The following RARRES1 variants were observed in gnomAD, a reference collection of about 807,000 sequenced individuals.
The protein encoded by RARRES1 is retinoic acid receptor responder 1.
Under a neutral mutation model 30.6 loss-of-function variants are expected in RARRES1, and 34 were observed. The observed-to-expected ratio is 1.11, with a 90% CI of 0.84 to 1.48. The LOEUF (loss-of-function observed/expected upper bound fraction) is 1.48, where lower values mean the gene tolerates loss of function less well. RARRES1 is among the 40% of genes most tolerant of loss of function. The pLI is 0.00. For missense variants in RARRES1, 373 were observed against 386.5 expected (o/e 0.97, Z 0.29); for synonymous variants, 153 against 155.5 (o/e 0.98, Z 0.12).
Position 158,710,131 on chromosome 3 carries a change from A to G in RARRES1, c.535+607T>C, listed in dbSNP as rs193282743. On this transcript the variant is annotated intron_variant, in intron 3 of 5. Transcript: ENST00000237696. ...AACAGCACCCCTATATGCATATCCT[A>G]TTTCAAAATCCTGTACCTCTTACCT... is the stretch of plus-strand genomic sequence containing the variant. 3.2e-3 allele frequency among the ~76,000 whole-genome samples: 486 copies of G among 151,404 alleles called. 3 individuals are homozygous for G. Among genetic ancestry groups the G allele is most frequent in the African/African-American group, 0.011 (464 of 41,182 alleles).
chr3:158,720,256 GTGTGTGTGTA>G (rs1212706388), intron 1 of RARRES1, among the ~76,000 whole-genome samples: 2 of 143,408 alleles, frequency 1.4e-5, no homozygotes, highest in Admixed American at 7.2e-5. Context: ...GTGTGTGTGT[GTGTGTGTGTA>G]TGTGTGTGAG....
chr3:158,731,186 G>A (rs1220500216), intron 1 of RARRES1, among the ~76,000 whole-genome samples: 1 of 152,206 alleles, frequency 6.6e-6, no homozygotes, highest in Non-Finnish European at 1.5e-5. Flanking sequence ...CTTCTTGAAG[G>A]ACTTTCCAAT....
chr3:158,703,628 T>C (rs1281719254), intron 4 of RARRES1, among the ~76,000 whole-genome samples: 2 of 152,176 alleles, frequency 1.3e-5, no homozygotes, highest in Non-Finnish European at 2.9e-5. Context: ...AGCTCTCCCT[T>C]CATTGACTTC....
At chr3:158,726,547 C>T (rs541174880) in intron 1 of RARRES1, among the ~76,000 whole-genome samples, 1 of 152,354 alleles carries the variant, frequency 6.6e-6, no homozygotes, top group African/African-American at 2.4e-5. Context: ...TACCTCATTA[C>T]ATAAGTAAAT....
chr3:158,707,231 GT>G (rs1726952703), intron 3 of RARRES1, among the ~76,000 whole-genome samples: 1 of 152,134 alleles, frequency 6.6e-6, no homozygotes, highest in Non-Finnish European at 1.5e-5. Context: ...TCTGGTTAGG[GT>G]TTTTGGTGAT....
At chr3:158,727,287 A>T (rs528692490) in intron 1 of RARRES1, among the ~76,000 whole-genome samples, 1 of 152,376 alleles carries the variant, frequency 6.6e-6, no homozygotes, top group African/African-American at 2.4e-5. Flanking sequence ...TATTTTAAAT[A>T]GAAGCAATTA....
At chr3:158,732,047 G>A (rs1048365064) in intron 1 of RARRES1, 93 bp downstream of exon 1, 2 of 1,187,976 alleles carry the variant, frequency 1.7e-6, no homozygotes, top group Admixed American at 8.5e-5. Flanking sequence ...CGGACCATCC[G>A]TTGGGCCGGC....
At position 158,732,301 on chromosome 3, in the gene RARRES1, C is replaced by G; in HGVS notation, c.115G>C (p.Gly39Arg). The change falls in exon 1 of 6, where the codon GGG becomes CGG. Residue 39 changes from glycine to arginine, a missense_variant. Gly to Arg is a moderately radical substitution (Grantham distance 125). Coordinates refer to ENST00000237696, the MANE Select transcript of RARRES1 (RefSeq NM_206963.2). ...LLLAPVAAPAGSGDPDDPGQP... is the reference protein window; with the variant it reads ...LLLAPVAAPARSGDPDDPGQP... ...CCAGGGTCGTCGGGGTCCCCGGACC[C>G]CGCGGGCGCCGCCACCGGGGCGAGC... The G allele has an allele frequency of 3.7e-6, 5 of 1,344,648 alleles. No individual in the cohort carries two copies. The highest frequency in any genetic ancestry group is 1.5e-5 in the African/African-American group (1 of 64,854). The allele number at this position is 1,344,648 out of a possible 1,614,324, so 83.3% of individuals were successfully genotyped here. A position where few individuals can be genotyped will look rare whatever the true frequency, so the allele number is the denominator to read the frequency against.
At position 158,723,740 on chromosome 3, in the gene RARRES1, C is replaced by T. The variant is rs956473833; in HGVS notation, c.276+8400G>A. Among the ~76,000 whole-genome samples the T allele has an allele frequency of 4.6e-5, 7 of 152,096 alleles. No individual in the cohort carries two copies. The highest frequency in any genetic ancestry group is 1.7e-4 in the African/African-American group (7 of 41,410). On this transcript the variant is annotated intron_variant, in intron 1 of 5. Transcript: ENST00000237696. The surrounding 1 kb of genome is among the most constrained non-coding windows in gnomAD (Gnocchi z 4.4). ...CTGCCCCCTCCAGGTCCCCTCTGGC[C>T]TCAGGTGGGGATAATCAGAAAAGGC...
chr3:158,720,273 TGAGAGAGA>T (rs968371151), intron 1 of RARRES1, among the ~76,000 whole-genome samples: 1 of 144,452 alleles, frequency 6.9e-6, no homozygotes, highest in Non-Finnish European at 1.5e-5. Flanking sequence ...TGTATGTGTG[TGAGAGAGA>T]GAGAGAGAGA....
intron 4 of RARRES1, among the ~76,000 whole-genome samples, chr3:158,703,745 A>G (rs1008413740): frequency 3.3e-5 from 5 of 152,100 alleles, no homozygotes; most frequent in Admixed American, 1.3e-4. Context: ...TTCTTTTCCC[A>G]TATCTCTAAC....
At chr3:158,706,327 A>AG (rs1185748104) in intron 3 of RARRES1, among the ~76,000 whole-genome samples, 1 of 152,078 alleles carries the variant, frequency 6.6e-6, no homozygotes, top group Non-Finnish European at 1.5e-5. Context: ...TGGGCTGGAG[A>AG]GGGTTAGGGG....
At chr3:158,702,281 G>A (rs1350055597) in intron 4 of RARRES1, among the ~76,000 whole-genome samples, 3 of 151,972 alleles carry the variant, frequency 2.0e-5, no homozygotes, top group Non-Finnish European at 1.5e-5. Context: ...CTCATGATCC[G>A]CCTGCCTCAG....
At chr3:158,704,210 CTTTTTTTTTTTTTTTTT>C (rs78169321) in intron 4 of RARRES1, among the ~76,000 whole-genome samples, 1,048 of 82,902 alleles carry the variant, frequency 0.013, 29 homozygotes, top group African/African-American at 0.04. Flanking sequence ...TATTGCAATA[CTTTTTTTTTTTTTTTTT>C]TTTTTTTTTT....
chr3:158,720,896 C>T (rs1727493080), intron 1 of RARRES1, among the ~76,000 whole-genome samples: 1 of 152,150 alleles, frequency 6.6e-6, no homozygotes, highest in South Asian at 2.1e-4. Flanking sequence ...TCTTCAAAGA[C>T]TCTGTTTACA....
rs1042913346 is a variant in RARRES1 at position 158,705,863 on chromosome 3, A to G, written c.536-936T>C. Among the ~76,000 whole-genome samples the G allele has an allele frequency of 5.3e-5, 8 of 152,300 alleles. 1 individual carries two copies. Among genetic ancestry groups the G allele is most frequent in the Admixed American group, 3.3e-4 (5 of 15,302 alleles). ...GACCTAAAATCTTTTAAATTTGGCA[A>G]ACATCTTTCTTAAAACTTAAACAAT... On this transcript the variant is annotated intron_variant, in intron 3 of 5. Coordinates refer to ENST00000237696, the MANE Select transcript of RARRES1 (RefSeq NM_206963.2).
intron 1 of RARRES1, among the ~76,000 whole-genome samples, chr3:158,720,360 C>T (rs1378138347): frequency 6.7e-6 from 1 of 149,104 alleles, no homozygotes; most frequent in African/African-American, 2.6e-5. Flanking sequence ...CACTGCAAAC[C>T]TTCCTCTGGA....
chr3:158,725,844 G>A (rs1417086660), intron 1 of RARRES1, among the ~76,000 whole-genome samples: 1 of 152,278 alleles, frequency 6.6e-6, no homozygotes, highest in African/African-American at 2.4e-5. Context: ...GGCTGCTGTG[G>A]TGGGTGATGG....
At chr3:158,701,862 A>G (rs902283505) in intron 4 of RARRES1, among the ~76,000 whole-genome samples, 1 of 152,032 alleles carries the variant, frequency 6.6e-6, no homozygotes, top group African/African-American at 2.4e-5. Context: ...TTTAACTTCA[A>G]TCCGTTTGTG....
Sources: allele counts gnomAD v4.1 joint callset (sites outside exome capture counted in the v4.1 genomes callset), GRCh38; gene constraint gnomAD v4.1.1; non-coding constraint Gnocchi (gnomAD v3.1); transcripts MANE v1.5; gene names NCBI Gene and HGNC (gene_info 2026-07-23, HGNC 2026-07-21).